The following WDR72 variants were observed in gnomAD, a reference collection of about 807,000 sequenced individuals.
WDR72 encodes WD repeat-containing protein 72.
WDR72 carries 120 observed loss-of-function variants against 124.2 expected under a neutral mutation model. The ratio of observed to expected loss-of-function variants is 0.97; its 90% CI spans 0.83 to 1.12. WDR72 has a LOEUF of 1.12. Ranked by LOEUF, WDR72 falls within the 50% of genes most tolerant of loss-of-function variation. The pLI, the probability that WDR72 is intolerant of heterozygous loss-of-function variation, is 0.00. For synonymous variants in WDR72, 452 were observed against 441.7 expected (o/e 1.02, Z -0.29); for missense variants, 1,387 against 1,278.8 (o/e 1.08, Z -1.29).
chr15:53,566,572 C>T (rs1407995997), intron 18 of WDR72, among the ~76,000 whole-genome samples: 3 of 151,864 alleles, frequency 2.0e-5, no homozygotes, highest in South Asian at 4.2e-4. Flanking sequence ...TGGGACTTCA[C>T]CAGTGTACAG....
At chr15:53,685,074 C>T (rs993503849) in intron 13 of WDR72, among the ~76,000 whole-genome samples, 3 of 151,900 alleles carry the variant, frequency 2.0e-5, no homozygotes, top group Non-Finnish European at 4.4e-5. Flanking sequence ...TCACCATCAT[C>T]AAAGACCAAA....
At chr15:53,540,244 C>A (rs190464929) in intron 18 of WDR72, among the ~76,000 whole-genome samples, 24 of 152,214 alleles carry the variant, frequency 1.6e-4, no homozygotes, top group Admixed American at 1.4e-3. Flanking sequence ...ACCTACAGAA[C>A]TAAGTCAATA....
At position 53,710,905 on chromosome 15, in the gene WDR72, C is replaced by T; in HGVS notation, c.906G>A (p.Glu302=). 1.9e-6 allele frequency: 3 copies of T among 1,613,906 alleles called. No individual in the cohort carries two copies. Among genetic ancestry groups the T allele is most frequent in the Non-Finnish European group, 2.5e-6 (3 of 1,179,878 alleles). The change falls in exon 9 of 20, where the codon GAG becomes GAA. Residue 302 remains glutamate (E), a synonymous_variant. Coordinates refer to ENST00000360509, the MANE Select transcript of WDR72 (RefSeq NM_182758.4). The part of the protein sequence containing the change: ...IYPADGRVLK[E]TIYPHLLCST... ...AGCACAGTAAATGAGGATAAATGGT[C>T]TCTTTAAGCACTCTTCCATCAGCAG...
In WDR72 at chr15:53,609,608, A is replaced by G. The variant is rs2013447030; in HGVS notation, c.2873-16T>C. The G allele has an allele frequency of 6.3e-7, 1 of 1,597,076 alleles. No homozygotes were observed. The highest frequency in any genetic ancestry group is 1.7e-5 in the Admixed American group (1 of 59,834). On this transcript the variant is annotated splice_polypyrimidine_tract_variant and intron_variant, in intron 16 of 19. Transcript: ENST00000360509. Reference sequence around the variant, plus strand: ...TCATTCTTACCTAGAAATATACAGAACACACTTGTATCTTTAGAGTATTAA... The same window carrying G: ...TCATTCTTACCTAGAAATATACAGAGCACACTTGTATCTTTAGAGTATTAA...
chr15:53,614,524 T>C (rs1249680063), intron 15 of WDR72, among the ~76,000 whole-genome samples: 1 of 152,076 alleles, frequency 6.6e-6, no homozygotes, highest in Non-Finnish European at 1.5e-5. Context: ...AACCAACGTG[T>C]GACAACATTT....
At chr15:53,696,501 T>C (rs76756844) in intron 13 of WDR72, among the ~76,000 whole-genome samples, 1,984 of 152,324 alleles carry the variant, frequency 0.013, 32 homozygotes, top group East Asian at 0.069. Flanking sequence ...AGTTCACTCA[T>C]TCATTTATCA....
intron 18 of WDR72, among the ~76,000 whole-genome samples, chr15:53,561,513 A>G (rs930063803): frequency 9.2e-5 from 14 of 151,844 alleles, no homozygotes; most frequent in Admixed American, 9.2e-4. Flanking sequence ...ATACAAATAA[A>G]GGAGGAAAAT....
intron 14 of WDR72, among the ~76,000 whole-genome samples, chr15:53,662,544 C>T (rs997741152): frequency 2.0e-5 from 3 of 152,152 alleles, no homozygotes; most frequent in Non-Finnish European, 4.4e-5. Flanking sequence ...CAAAAAAATC[C>T]TGAAATACAA....
chr15:53,756,232 C>A lies in WDR72; in HGVS notation c.-13+3401G>T, dbSNP rs138706349. Among the ~76,000 whole-genome samples, 1,358 of 152,260 alleles carry A rather than the reference C, an allele frequency of 8.9e-3. 24 individuals are homozygous for A. Among genetic ancestry groups the A allele is most frequent in the African/African-American group, 0.031 (1,308 of 41,528 alleles). On this transcript the variant is annotated intron_variant, in intron 1 of 19. Transcript: ENST00000360509. Reference sequence around the variant, plus strand: ...TCGTGATAGTAAGGTCTCGCGAGATCTGATGGTTTCATAAGGGGCTTCCCC... The same window carrying A: ...TCGTGATAGTAAGGTCTCGCGAGATATGATGGTTTCATAAGGGGCTTCCCC...
chr15:53,551,839 C>T (rs9302171), intron 18 of WDR72, among the ~76,000 whole-genome samples: 73,175 of 151,836 alleles, frequency 0.48, 18,812 homozygotes, highest in Middle Eastern at 0.61. Context: ...ATATGGAAGA[C>T]GACTTAGAAT....
chr15:53,721,438 T>A lies in WDR72; in HGVS notation c.260+1364A>T, dbSNP rs1404060939. ...TCCCCAAAATTCTCTAGATTGGGAA[T>A]AAATATCTCAGCATGTGTAGCAGAC... On this transcript the variant is annotated intron_variant, in intron 3 of 19. Coordinates refer to ENST00000360509, the MANE Select transcript of WDR72 (RefSeq NM_182758.4). Among the ~76,000 whole-genome samples the A allele has an allele frequency of 2.6e-5, 4 of 152,154 alleles. No homozygotes were observed. The East Asian group carries it at 5.8e-4, about 22-fold the overall frequency.
At chr15:53,707,424 T>A (rs1443361904) in intron 9 of WDR72, among the ~76,000 whole-genome samples, 1 of 147,646 alleles carries the variant, frequency 6.8e-6, no homozygotes, top group Non-Finnish European at 1.5e-5. Flanking sequence ...TCACAGAAAA[T>A]GGTTCCAATA....
chr15:53,721,739 G>A (rs2017881288), intron 3 of WDR72, among the ~76,000 whole-genome samples: 1 of 152,162 alleles, frequency 6.6e-6, no homozygotes, highest in South Asian at 2.1e-4. Flanking sequence ...AAAAACAAAA[G>A]AGAGGCTTAT....
intron 15 of WDR72, 52 bp from the exon 16 acceptor site, chr15:53,613,809 T>A: frequency 7.7e-7 from 1 of 1,303,550 alleles, no homozygotes; most frequent in Non-Finnish European, 1.1e-6. Flanking sequence ...AAAAATTATT[T>A]GAGGAAATAA....
intron 18 of WDR72, among the ~76,000 whole-genome samples, chr15:53,577,906 T>C (rs972523713): frequency 2.6e-5 from 4 of 152,176 alleles, no homozygotes; most frequent in South Asian, 2.1e-4. Context: ...ATTTGCTCCA[T>C]TTTCTATAAT....
intron 17 of WDR72, 92 bp from the exon 18 acceptor site, chr15:53,597,366 G>T: frequency 7.8e-7 from 1 of 1,279,622 alleles, no homozygotes; most frequent in Non-Finnish European, 1.1e-6. Flanking sequence ...ATTTAAATTT[G>T]AATAGGTTTC....
At chr15:53,558,286 C>T (rs1442870036) in intron 18 of WDR72, among the ~76,000 whole-genome samples, 2 of 151,994 alleles carry the variant, frequency 1.3e-5, no homozygotes, top group African/African-American at 2.4e-5. Flanking sequence ...TCTTTAATTC[C>T]GGTTTGCCTC....
At chr15:53,711,574 TAGTA>T in intron 7 of WDR72, 93 bp from the exon 8 acceptor site, 3 of 1,320,920 alleles carry the variant, frequency 2.3e-6, no homozygotes, top group Non-Finnish European at 3.2e-6. Flanking sequence ...TATAACAACA[TAGTA>T]AGCGTTAATA....
At chr15:53,687,340 G>A (rs2016672926) in intron 13 of WDR72, among the ~76,000 whole-genome samples, 1 of 150,372 alleles carries the variant, frequency 6.7e-6, no homozygotes. Flanking sequence ...AAAAAAGAGA[G>A]AAGAATCAAA....
Sources: gnomAD v4.1 joint callset for allele counts (sites outside exome capture counted in the v4.1 genomes callset) on GRCh38, gnomAD v4.1.1 for gene constraint, MANE v1.5 for transcripts, NCBI Gene and HGNC (gene_info 2026-07-23, HGNC 2026-07-21) for gene names.